ASF1A: variants seen among roughly 807,000 people sequenced by gnomAD.
ASF1A encodes the protein anti-silencing function 1A histone chaperone.
Under a neutral mutation model 22.0 loss-of-function variants are expected in ASF1A, and 5 were observed. That is an observed-to-expected ratio of 0.23 (90% CI 0.12 to 0.48). ASF1A has a LOEUF of 0.48. ASF1A is among the 20% of genes least tolerant of loss of function. The pLI, the probability that ASF1A is intolerant of heterozygous loss-of-function variation, is 0.99. For synonymous variants in ASF1A, 97 were observed against 86.7 expected (o/e 1.12, Z -0.66); for missense variants, 137 against 240.6 (o/e 0.57, Z 2.85).
At chr6:118,904,478 T>G (rs1400604866) in intron 2 of ASF1A, among the ~76,000 whole-genome samples, 1 of 152,210 alleles carries the variant, frequency 6.6e-6, no homozygotes, top group Non-Finnish European at 1.5e-5. Flanking sequence ...CCACCCAGAA[T>G]GGCTGCCTCA....
chr6:118,902,163 C>A (rs1779837216), intron 2 of ASF1A, among the ~76,000 whole-genome samples: 1 of 152,172 alleles, frequency 6.6e-6, no homozygotes, highest in African/African-American at 2.4e-5. Context: ...ACATGGGTAA[C>A]AGAATGCCCT....
chr6:118,905,410 T>C (rs1236649182), intron 2 of ASF1A, among the ~76,000 whole-genome samples: 1 of 152,244 alleles, frequency 6.6e-6, no homozygotes, highest in Admixed American at 6.5e-5. Context: ...TTTCTTCCTT[T>C]TACAAGTGTA....
chr6:118,897,929 G>C (rs1425167609), intron 1 of ASF1A, among the ~76,000 whole-genome samples: 2 of 152,104 alleles, frequency 1.3e-5, no homozygotes, highest in African/African-American at 2.4e-5. Flanking sequence ...AAAAATCAAT[G>C]TACAAGTGTT....
chr6:118,904,606 A>G (rs1258842648), intron 2 of ASF1A, among the ~76,000 whole-genome samples: 3 of 152,190 alleles, frequency 2.0e-5, no homozygotes, highest in Non-Finnish European at 2.9e-5. Context: ...CTCTTAGTCT[A>G]GTCTAACTCA....
chr6:118,903,421 A>G (rs1779939918), intron 2 of ASF1A, among the ~76,000 whole-genome samples: 1 of 152,138 alleles, frequency 6.6e-6, no homozygotes, highest in African/African-American at 2.4e-5. Context: ...CCAAAATACT[A>G]AGTGCTCAGA....
intron 2 of ASF1A, among the ~76,000 whole-genome samples, chr6:118,904,901 G>C (rs557364918): frequency 6.6e-6 from 1 of 152,186 alleles, no homozygotes; most frequent in African/African-American, 2.4e-5. Flanking sequence ...GCAGTAGTGC[G>C]ATCTCAGCTC....
chr6:118,896,210 A>G (rs1321836), intron 1 of ASF1A, among the ~76,000 whole-genome samples: 8,765 of 152,128 alleles, frequency 0.058, 358 homozygotes, highest in East Asian at 0.19. Flanking sequence ...CTATGATACT[A>G]CTATTAATAT....
At chr6:118,896,041 G>GTT (rs200142006) in intron 1 of ASF1A, among the ~76,000 whole-genome samples, 48 of 138,558 alleles carry the variant, frequency 3.5e-4, no homozygotes, top group East Asian at 1.5e-3. Context: ...ATGTGCCCCC[G>GTT]TTTTTTTTTT....
rs1426214941 is a variant in ASF1A, at chr6:118,908,149, C to A, written c.*535C>A. On this transcript the variant is annotated 3_prime_UTR_variant, in exon 4 of 4. Transcript: ENST00000229595. ...TTTAGGATCCAATTTTCCAAGCCAC[C>A]GTGAAGCCTCTTATGGCTACTATTA... 2 of 152,678 alleles carry A rather than the reference C, an allele frequency of 1.3e-5. No homozygotes were observed. Among genetic ancestry groups the A allele is most frequent in the Admixed American group, 1.3e-4 (2 of 15,382 alleles). 9.5% of individuals were successfully genotyped at this position (152,678 alleles called of 1,614,324 possible).
chr6:118,898,816 C>T (rs1050667753), intron 1 of ASF1A, among the ~76,000 whole-genome samples: 2 of 152,200 alleles, frequency 1.3e-5, no homozygotes, highest in African/African-American at 4.8e-5. Context: ...TTTTGGGTCA[C>T]CTACCTCATT....
rs193193876 is a variant in ASF1A, at chr6:118,907,878, A to G, written c.*264A>G. 1.7e-5 allele frequency: 5 copies of G among 297,752 alleles called. No individual in the cohort carries two copies. The highest frequency in any genetic ancestry group is 9.3e-5 in the Admixed American group (2 of 21,450). The allele number at this position is 297,752 out of a possible 1,614,324, so 18.4% of individuals were successfully genotyped here. A position where few individuals can be genotyped will look rare whatever the true frequency, so the allele number is the denominator to read the frequency against. ...CATATATATTATTTTCTTCTCCTTT[A>G]TATGTAATGAAAGCACTTATAAAGA... is the stretch of plus-strand genomic sequence containing the variant. On this transcript the variant is annotated 3_prime_UTR_variant, in exon 4 of 4. Coordinates refer to ENST00000229595, the MANE Select transcript of ASF1A (RefSeq NM_014034.3).
chr6:118,896,299 CAAAAG>C (rs974550010), intron 1 of ASF1A, among the ~76,000 whole-genome samples: 19 of 151,986 alleles, frequency 1.3e-4, no homozygotes, highest in African/African-American at 4.3e-4. Context: ...TAAAAATAGA[CAAAAG>C]AAAAACCATT....
chr6:118,896,975 C>T (rs768114615), intron 1 of ASF1A, among the ~76,000 whole-genome samples: 27 of 152,056 alleles, frequency 1.8e-4, no homozygotes, highest in African/African-American at 6.3e-4. Context: ...ATAGCTGGGA[C>T]CATAGTCGAT....
At chr6:118,904,386 C>A (rs1780020759) in intron 2 of ASF1A, among the ~76,000 whole-genome samples, 1 of 152,190 alleles carries the variant, frequency 6.6e-6, no homozygotes, top group African/African-American at 2.4e-5. Context: ...AAGGCATTGG[C>A]TAAAGTGCTC....
chr6:118,894,801 G>T (rs930905206), intron 1 of ASF1A, among the ~76,000 whole-genome samples: 5 of 152,332 alleles, frequency 3.3e-5, no homozygotes, highest in African/African-American at 1.2e-4. Flanking sequence ...GGGCAGCTCG[G>T]AGACCCGCAC....
At chr6:118,895,604 A>G (rs923648060) in intron 1 of ASF1A, among the ~76,000 whole-genome samples, 2 of 152,132 alleles carry the variant, frequency 1.3e-5, no homozygotes, top group Non-Finnish European at 2.9e-5. Context: ...TTTTCTACAT[A>G]TATTTTAAGG....
chr6:118,906,308 A>G (rs1780173588), intron 3 of ASF1A, among the ~76,000 whole-genome samples: 1 of 152,144 alleles, frequency 6.6e-6, no homozygotes, highest in South Asian at 2.1e-4. Flanking sequence ...CCTGACCTCA[A>G]GTGATCTGCC....
chr6:118,906,806 A>G (rs900952658), intron 3 of ASF1A, among the ~76,000 whole-genome samples: 1 of 152,224 alleles, frequency 6.6e-6, no homozygotes, highest in African/African-American at 2.4e-5. Context: ...TGAACCATGC[A>G]AGAAAAATTA....
chr6:118,901,864 C>T (rs1474654958), intron 2 of ASF1A, among the ~76,000 whole-genome samples: 1 of 152,172 alleles, frequency 6.6e-6, no homozygotes, highest in Non-Finnish European at 1.5e-5. Context: ...TTTCTCACTT[C>T]ACAGATGGGA....
Sources: allele counts gnomAD v4.1 joint callset (sites outside exome capture counted in the v4.1 genomes callset), GRCh38; gene constraint gnomAD v4.1.1; transcripts MANE v1.5; gene names NCBI Gene and HGNC (gene_info 2026-07-23, HGNC 2026-07-21).